Variants in MYO10 observed in about 807,000 individuals in gnomAD.
MYO10 encodes the protein unconventional myosin-X.
In MYO10, 133 loss-of-function variants were observed where a neutral mutation model predicts 257.3. The ratio of observed to expected loss-of-function variants is 0.52; its 90% confidence interval spans 0.45 to 0.60. The LOEUF (loss-of-function observed/expected upper bound fraction) is 0.60. MYO10 is among the 20% of genes least tolerant of loss of function. The probability of loss-of-function intolerance (pLI) is 0.00; values close to 1 mark genes in which losing one functional copy is unlikely to be tolerated. For synonymous variants in MYO10, 1,104 were observed against 1,028.6 expected, an observed-to-expected ratio of 1.07 and a Z score of -1.40; for missense variants, 2,399 against 2,635.7, an observed-to-expected ratio of 0.91 and a Z score of 1.97.
intron 18 of MYO10, among the ~76,000 whole-genome samples, chr5:16,755,377 G>A (rs1740499492): frequency 6.6e-6 from 1 of 152,188 alleles, no homozygotes; most frequent in African/African-American, 2.4e-5. Context: ...GTGTTAGCCA[G>A]GATGGTCTCG....
chr5:16,802,710 G>C (rs1471615789), intron 3 of MYO10, among the ~76,000 whole-genome samples: 8 of 151,400 alleles, frequency 5.3e-5, no homozygotes, highest in Non-Finnish European at 2.9e-5. Flanking sequence ...AGTAATGCTG[G>C]GAATTATGGT....
intron 39 of MYO10, among the ~76,000 whole-genome samples, chr5:16,669,274 C>T (rs981522273): frequency 6.6e-6 from 1 of 151,616 alleles, no homozygotes; most frequent in East Asian, 1.9e-4. Flanking sequence ...AGTGCAGTGG[C>T]GTGATCCTGG....
intron 3 of MYO10, among the ~76,000 whole-genome samples, chr5:16,809,459 C>T (rs1314745714): frequency 6.6e-6 from 1 of 152,214 alleles, no homozygotes; most frequent in African/African-American, 2.4e-5. Flanking sequence ...CAGTCCAGTC[C>T]ACGGCAGGGT....
At chr5:16,729,453 A>G (rs377091081) in intron 19 of MYO10, among the ~76,000 whole-genome samples, 1 of 138,140 alleles carries the variant, frequency 7.2e-6, no homozygotes, top group African/African-American at 2.7e-5. Flanking sequence ...TGTATTTTCT[A>G]TTTTTTTTTT....
At chr5:16,762,953 GACTCCGT>G (rs1190812158) in intron 14 of MYO10, among the ~76,000 whole-genome samples, 13 of 143,900 alleles carry the variant, frequency 9.0e-5, no homozygotes, top group African/African-American at 3.1e-4. Context: ...GACAGAGTGA[GACTCCGT>G]CTCAGGGGAA....
At chr5:16,873,522 C>T (rs538503342) in intron 2 of MYO10, among the ~76,000 whole-genome samples, 4 of 152,334 alleles carry the variant, frequency 2.6e-5, no homozygotes, top group South Asian at 2.1e-4. Flanking sequence ...CTCCACTAGG[C>T]GGTACCCCAG....
At chr5:16,910,043 A>G (rs543330940) in intron 1 of MYO10, among the ~76,000 whole-genome samples, 4 of 152,202 alleles carry the variant, frequency 2.6e-5, no homozygotes, top group African/African-American at 9.6e-5. Flanking sequence ...GAGCCAAATA[A>G]ACTTCTTTTT....
chr5:16,830,679 G>GCACACACACACACACACTCA (rs148243580), intron 2 of MYO10, among the ~76,000 whole-genome samples: 63,513 of 148,738 alleles, frequency 0.43, 13,827 homozygotes, highest in East Asian at 0.56. Context: ...TTTTTAATAG[G>GCACACACACACACACACTCA]CACACACACA....
intron 19 of MYO10, among the ~76,000 whole-genome samples, chr5:16,736,137 A>G (rs925984464): frequency 3.9e-5 from 6 of 152,310 alleles, no homozygotes; most frequent in African/African-American, 4.8e-5. Flanking sequence ...AATATTCCCA[A>G]CCTGCCTTCT....
At chr5:16,713,651 T>C (rs1017292092) in intron 19 of MYO10, among the ~76,000 whole-genome samples, 5 of 152,244 alleles carry the variant, frequency 3.3e-5, no homozygotes, top group South Asian at 2.1e-4. Context: ...GAGGGGGATC[T>C]ATAGGCTGAT....
At chr5:16,905,167 G>A (rs1449374261) in intron 1 of MYO10, among the ~76,000 whole-genome samples, 2 of 152,104 alleles carry the variant, frequency 1.3e-5, no homozygotes, top group East Asian at 3.9e-4. Flanking sequence ...TTCTAGAGAT[G>A]GTATGGCGAA....
chr5:16,891,079 T>TA (rs952920951), intron 1 of MYO10, among the ~76,000 whole-genome samples: 4 of 151,682 alleles, frequency 2.6e-5, no homozygotes, highest in Non-Finnish European at 4.4e-5. Flanking sequence ...GGTCAGGTGT[T>TA]AGAGACCGGC....
At chr5:16,892,520 A>G (rs933215921) in intron 1 of MYO10, among the ~76,000 whole-genome samples, 4 of 152,142 alleles carry the variant, frequency 2.6e-5, no homozygotes, top group Non-Finnish European at 5.9e-5. Context: ...GCATGCGCCT[A>G]TAGTCCAAGC....
intron 2 of MYO10, among the ~76,000 whole-genome samples, chr5:16,874,357 GGGT>G (rs745537497): frequency 0.059 from 4,482 of 75,548 alleles, 374 homozygotes; most frequent in Non-Finnish European, 0.088. Flanking sequence ...GGGGGGGGGG[GGGT>G]TTCTTTTCTA....
At chr5:16,756,942 C>T (rs1188506117) in intron 18 of MYO10, among the ~76,000 whole-genome samples, 1 of 151,660 alleles carries the variant, frequency 6.6e-6, no homozygotes, top group African/African-American at 2.4e-5. Context: ...CTCAGTAAAA[C>T]ATCTAAAAAT....
At chr5:16,751,028 T>C (rs1017130184) in intron 19 of MYO10, among the ~76,000 whole-genome samples, 2 of 151,998 alleles carry the variant, frequency 1.3e-5, no homozygotes, top group Non-Finnish European at 2.9e-5. Flanking sequence ...AAAACTTCTA[T>C]ATTTTCTAAA....
rs1178274682 is a variant in MYO10 at position 16,825,385 on chromosome 5, C to G, written c.121-7218G>C. Among the ~76,000 whole-genome samples the G allele has an allele frequency of 2.0e-5, 3 of 152,190 alleles. No individual in the cohort carries two copies. The East Asian group carries it at 5.8e-4, about 29-fold the overall frequency. On this transcript the variant is annotated intron_variant, in intron 2 of 40. Transcript: ENST00000513610. The stretch of plus-strand genomic sequence containing the variant: ...CACGCCCACCCTGGAACCTCTTGGT[C>G]AGGATCTTTCACACTCTTCTGACCA...
intron 19 of MYO10, among the ~76,000 whole-genome samples, chr5:16,744,596 T>A (rs1740130445): frequency 6.6e-6 from 1 of 151,958 alleles, no homozygotes; most frequent in Admixed American, 6.6e-5. Context: ...GTGCAGGACA[T>A]GAAGGACTGA....
intron 32 of MYO10, 51 bp downstream of exon 32, chr5:16,681,258 G>A (rs1736985121): frequency 6.5e-7 from 1 of 1,541,826 alleles, no homozygotes; most frequent in African/African-American, 1.4e-5. Flanking sequence ...CCCGGAGCAA[G>A]CCCAGACTTT....
Sources: gnomAD v4.1 joint callset for allele counts (sites outside exome capture counted in the v4.1 genomes callset) on GRCh38, gnomAD v4.1.1 for gene constraint, MANE v1.5 for transcripts, NCBI Gene and HGNC (gene_info 2026-07-23, HGNC 2026-07-21) for gene names.